The following NARS2 variants were observed in gnomAD, a reference collection of about 807,000 sequenced individuals.
NARS2 encodes the protein asparaginyl-tRNA synthetase 2, mitochondrial.
NARS2 carries 60 observed loss-of-function variants against 62.9 expected under a neutral mutation model. The observed-to-expected ratio is 0.95, with a 90% confidence interval of 0.77 to 1.18. The LOEUF (loss-of-function observed/expected upper bound fraction) is 1.18, where lower values mean the gene tolerates loss of function less well. NARS2 is among the 50% of genes most tolerant of loss of function. The pLI is 0.00. For synonymous variants in NARS2, 196 were observed against 200.0 expected (o/e 0.98, Z 0.17); for missense variants, 619 against 576.4 (o/e 1.07, Z -0.76).
At chr11:78,539,113 G>C (rs1050415091) in intron 5 of NARS2, among the ~76,000 whole-genome samples, 2 of 149,346 alleles carry the variant, frequency 1.3e-5, no homozygotes, top group Non-Finnish European at 3.0e-5. Flanking sequence ...TAAGATCACA[G>C]AGCAGCCACT....
At chr11:78,459,831 T>C (rs1396917226) in intron 11 of NARS2, among the ~76,000 whole-genome samples, 1 of 152,350 alleles carries the variant, frequency 6.6e-6, no homozygotes, top group African/African-American at 2.4e-5. Context: ...TGCACATAGA[T>C]GTAAAATTAC....
rs113071536 is a variant in NARS2, at chr11:78,437,154, C to A, written c.1290-340G>T. Among the ~76,000 whole-genome samples, 377 of 152,296 alleles carry A rather than the reference C, an allele frequency of 2.5e-3. 1 individual carries two copies. Among genetic ancestry groups the A allele is most frequent in the African/African-American group, 8.2e-3 (341 of 41,564 alleles). On this transcript the variant is annotated intron_variant, in intron 13 of 13. Transcript: ENST00000281038. ...ATTTACTAATTTTCTTGAAAATATA[C>A]GCCTCTTTTATTTCTTGGTAGGTTA...
At chr11:78,552,510 A>G (rs1482124418) in intron 5 of NARS2, among the ~76,000 whole-genome samples, 3 of 152,158 alleles carry the variant, frequency 2.0e-5, no homozygotes, top group Non-Finnish European at 4.4e-5. Context: ...CCCCAAAATC[A>G]CTAAGCTAAA....
At chr11:78,569,100 A>C (rs183922818) in intron 2 of NARS2, among the ~76,000 whole-genome samples, 94 of 152,320 alleles carry the variant, frequency 6.2e-4, no homozygotes, top group African/African-American at 2.1e-3. Flanking sequence ...TTTGCCGGGA[A>C]TTCTCTGTCC....
chr11:78,573,650 G>A (rs1307150685), intron 1 of NARS2: 1 of 152,266 alleles, frequency 6.6e-6, no homozygotes, highest in Admixed American at 6.5e-5. Flanking sequence ...TAATCAGCAA[G>A]AGAAACAATA....
chr11:78,465,492 C>T lies in NARS2; in HGVS notation c.1164+384G>A, dbSNP rs149096887. ...AGTGCCACTGCTCTCATCTCTTGCC[C>T]AGTATGCCTTCCCTCCTAGGAGTCT... is the stretch of plus-strand genomic sequence containing the variant. On this transcript the variant is annotated intron_variant, in intron 11 of 13. Coordinates refer to ENST00000281038, the MANE Select transcript of NARS2 (RefSeq NM_024678.6). Among the ~76,000 whole-genome samples the T allele has an allele frequency of 1.3e-4, 20 of 152,374 alleles. 1 individual carries two copies. The East Asian group carries it at 3.5e-3, about 26-fold the overall frequency.
At chr11:78,463,009 T>C (rs941355491) in intron 11 of NARS2, among the ~76,000 whole-genome samples, 1 of 152,230 alleles carries the variant, frequency 6.6e-6, no homozygotes, top group African/African-American at 2.4e-5. Flanking sequence ...AACTATTCAA[T>C]AAATATTTAG....
At chr11:78,546,958 T>C (rs930780274) in intron 5 of NARS2, among the ~76,000 whole-genome samples, 2 of 152,190 alleles carry the variant, frequency 1.3e-5, no homozygotes, top group African/African-American at 4.8e-5. Flanking sequence ...TAATTACCCT[T>C]AAAAAAGGTA....
At chr11:78,478,851 A>G (rs946981665) in intron 7 of NARS2, among the ~76,000 whole-genome samples, 168 bp from the exon 8 acceptor site, 106 of 152,302 alleles carry the variant, frequency 7.0e-4, no homozygotes, top group African/African-American at 2.3e-3. Context: ...AGGCATCTCA[A>G]TTTCCTTGGT....
chr11:78,552,470 T>C (rs1856165027), intron 5 of NARS2, among the ~76,000 whole-genome samples: 1 of 152,158 alleles, frequency 6.6e-6, no homozygotes, highest in African/African-American at 2.4e-5. Context: ...GCATGTGTCT[T>C]TATGGTGTGA....
intron 6 of NARS2, among the ~76,000 whole-genome samples, chr11:78,508,987 C>T (rs537844266): frequency 1.8e-4 from 28 of 151,566 alleles, no homozygotes; most frequent in Non-Finnish European, 1.0e-4. Flanking sequence ...TAGTGGTGCA[C>T]GCATGTAGTC....
At chr11:78,456,176 T>A (rs1858156932) in intron 11 of NARS2, among the ~76,000 whole-genome samples, 1 of 152,180 alleles carries the variant, frequency 6.6e-6, no homozygotes, top group Non-Finnish European at 1.5e-5. Flanking sequence ...TAGGAGGCAT[T>A]TACGTTCACT....
At chr11:78,464,081 G>C (rs1195252675) in intron 11 of NARS2, among the ~76,000 whole-genome samples, 3 of 152,132 alleles carry the variant, frequency 2.0e-5, no homozygotes, top group Non-Finnish European at 4.4e-5. Context: ...GGATGTGTTT[G>C]GAGTTTCTTC....
intron 13 of NARS2, 145 bp downstream of exon 13, chr11:78,440,946 C>T: frequency 3.0e-6 from 2 of 669,084 alleles, no homozygotes; most frequent in South Asian, 2.1e-5. Context: ...CTTCTGAGCC[C>T]CCAACCCCTT....
chr11:78,447,990 G>T (rs926325595), intron 11 of NARS2, among the ~76,000 whole-genome samples: 1 of 151,800 alleles, frequency 6.6e-6, no homozygotes, highest in African/African-American at 2.4e-5. Context: ...TTACATACAA[G>T]GTGACTAGAG....
chr11:78,459,231 G>A (rs901341135), intron 11 of NARS2, among the ~76,000 whole-genome samples: 1 of 150,054 alleles, frequency 6.7e-6, no homozygotes, highest in Admixed American at 6.6e-5. Flanking sequence ...TGATCTGATG[G>A]TGGTTTTTTT....
chr11:78,534,128 G>A (rs924911086), intron 5 of NARS2, among the ~76,000 whole-genome samples: 7 of 152,162 alleles, frequency 4.6e-5, no homozygotes, highest in Non-Finnish European at 2.9e-5. Context: ...CCATGTGCAC[G>A]TTTTTGTGTG....
intron 6 of NARS2, among the ~76,000 whole-genome samples, chr11:78,499,237 G>A (rs1028410369): frequency 6.6e-6 from 1 of 152,068 alleles, no homozygotes; most frequent in African/African-American, 2.4e-5. Context: ...TTAATCTAGT[G>A]CCTAACACAT....
rs59917269 is a variant in NARS2, at chr11:78,538,994, CAAAAAAAAAAAA to C, written c.595-10070_595-10059del. On this transcript the variant is annotated intron_variant, in intron 5 of 13. Coordinates refer to ENST00000281038, the MANE Select transcript of NARS2 (RefSeq NM_024678.6). The stretch of plus-strand genomic sequence containing the variant: ...TGGGCGACAGAGCGAGAATCCGTCT[CAAAAAAAAAAAA>C]AAAAAAAAAAAAAAAAAAAAGATGA... 4.4e-4 allele frequency among the ~76,000 whole-genome samples: 22 copies of C among 49,796 alleles called. 1 individual carries two copies. The South Asian group carries it at 5.4e-3, about 12-fold the overall frequency. The allele number at this position is 49,796 out of a possible 152,430, so 32.7% of individuals were successfully genotyped here.
Sources: gnomAD v4.1 joint callset for allele counts (sites outside exome capture counted in the v4.1 genomes callset) on GRCh38, gnomAD v4.1.1 for gene constraint, MANE v1.5 for transcripts, NCBI Gene and HGNC (gene_info 2026-07-23, HGNC 2026-07-21) for gene names.